Variants in MLIP observed in about 807,000 individuals in gnomAD.
The protein encoded by MLIP is muscular LMNA interacting protein, also known as muscular LMNA-interacting protein.
Under a neutral mutation model 84.8 loss-of-function variants are expected in MLIP, and 79 were observed. That is an observed-to-expected ratio of 0.93 (90% CI 0.78 to 1.12). The LOEUF is 1.12. Among genes scored for constraint, MLIP ranks in the 50% most tolerant of loss-of-function variants. The pLI, the probability that MLIP is intolerant of heterozygous loss-of-function variation, is 0.00. For synonymous variants in MLIP, 504 were observed against 463.0 expected (o/e 1.09, Z -1.14); for missense variants, 1,257 against 1,160.6 (o/e 1.08, Z -1.21).
At chr6:54,117,109 G>A (rs1221933829) in intron 1 of MLIP, among the ~76,000 whole-genome samples, 1 of 151,814 alleles carries the variant, frequency 6.6e-6, no homozygotes, top group African/African-American at 2.4e-5. Context: ...CATGATAAAG[G>A]CCCTATATGG....
At chr6:54,110,875 C>T (rs994827798), upstream of MLIP, among the ~76,000 whole-genome samples, 4 of 152,160 alleles carry the variant, frequency 2.6e-5, no homozygotes, top group African/African-American at 9.6e-5. Flanking sequence ...GATTTGATTC[C>T]AAGCTTTATT....
At chr6:54,062,677 G>A (rs1766034572) in intron 1 of MLIP, among the ~76,000 whole-genome samples, 1 of 152,080 alleles carries the variant, frequency 6.6e-6, no homozygotes, top group East Asian at 1.9e-4. Flanking sequence ...ACAGAATTCT[G>A]CTCTAAGCCT....
exon 1 of MLIP, chr6:54,019,066 A>G (rs533106815): frequency 5.0e-6 from 8 of 1,611,252 alleles, no homozygotes; most frequent in South Asian, 2.2e-5. Flanking sequence ...AGCTTATTAA[A>G]CAAGAATTTA....
chr6:54,265,455 C>T (rs145533760), intron 13 of MLIP, among the ~76,000 whole-genome samples: 7 of 152,170 alleles, frequency 4.6e-5, no homozygotes, highest in South Asian at 2.1e-4. Context: ...TGAAGAAAAG[C>T]GAGAGGTTAT....
intron 9 of MLIP, among the ~76,000 whole-genome samples, chr6:54,185,274 C>T (rs780428727): frequency 1.3e-5 from 2 of 152,104 alleles, no homozygotes; most frequent in African/African-American, 2.4e-5. Context: ...ACTATTCTTC[C>T]TCTTTGCTAA....
At chr6:54,164,632 A>T (rs2150574882) in intron 8 of MLIP, among the ~76,000 whole-genome samples, 1 of 152,004 alleles carries the variant, frequency 6.6e-6, no homozygotes, top group East Asian at 1.9e-4. Context: ...CTTTCCTCCA[A>T]TCCAAGTCCT....
intron 12 of MLIP, among the ~76,000 whole-genome samples, chr6:54,234,076 C>A (rs1781197499): frequency 6.6e-6 from 1 of 151,806 alleles, no homozygotes; most frequent in South Asian, 2.1e-4. Flanking sequence ...TATTTAAGTT[C>A]CTTGTAGATT....
At chr6:54,174,550 T>C (rs907519096) in intron 9 of MLIP, among the ~76,000 whole-genome samples, 2 of 152,080 alleles carry the variant, frequency 1.3e-5, no homozygotes, top group African/African-American at 4.8e-5. Flanking sequence ...ATGTTTCCTT[T>C]TGAGAAATAT....
intron 10 of MLIP, among the ~76,000 whole-genome samples, chr6:54,191,099 A>G (rs994730534): frequency 5.3e-5 from 8 of 151,926 alleles, no homozygotes; most frequent in African/African-American, 1.7e-4. Flanking sequence ...CCGGCCAAAG[A>G]TTTTCTTAAT....
Position 54,218,077 on chromosome 6 carries a change from T to C in MLIP, c.2719-12637T>C, listed in dbSNP as rs142565852. ...CAGTGTTTTTATAAATAAAGTATTA[T>C]TGGAACATGGCCTTGCCTATTTCAG... is the stretch of plus-strand genomic sequence containing the variant. On this transcript the variant is annotated intron_variant, in intron 11 of 13. Transcript: ENST00000502396. The C allele has an allele frequency of 5.7e-4, 446 of 786,066 alleles. No individual in the cohort carries two copies. The African/African-American group carries it at 6.7e-3, about 12-fold the overall frequency. The allele number at this position is 786,066 out of a possible 1,614,324, so 48.7% of individuals were successfully genotyped here. A position where few individuals can be genotyped will look rare whatever the true frequency, so the allele number is the denominator to read the frequency against.
At chr6:54,178,002 C>T (rs904337747) in intron 9 of MLIP, among the ~76,000 whole-genome samples, 1 of 151,964 alleles carries the variant, frequency 6.6e-6, no homozygotes, top group African/African-American at 2.4e-5. Context: ...AATAAGAACA[C>T]ATAGACACGG....
Position 54,137,073 on chromosome 6 carries a change from A to G in MLIP, c.1004A>G (p.His335Arg). 1 of 1,536,010 alleles carries G rather than the reference A, an allele frequency of 6.5e-7. No homozygotes were observed. Among genetic ancestry groups the G allele is most frequent in the Admixed American group, 2.0e-5 (1 of 50,978 alleles). ...CTCAAGAAGACAACTTTAACCTCGC[A>G]TGTCCTTAGTCACGGAGAAAGTCCG... Reference protein sequence around the residue: ...EVLKKTTLTSHVLSHGESPRT... With the variant: ...EVLKKTTLTSRVLSHGESPRT... The change falls in exon 4 of 14, where the codon CAT becomes CGT. Residue 335 changes from histidine to arginine, a missense_variant. By Grantham distance (29) the His-to-Arg change is conservative (BLOSUM62 0). Transcript: ENST00000502396.
At chr6:54,026,300 T>TA (rs1296330660) in intron 1 of MLIP, among the ~76,000 whole-genome samples, 3 of 152,190 alleles carry the variant, frequency 2.0e-5, no homozygotes, top group Admixed American at 6.5e-5. Flanking sequence ...TATGAGTAAT[T>TA]AAAAAATTCT....
At chr6:54,231,791 A>G (rs988197363) in intron 12 of MLIP, among the ~76,000 whole-genome samples, 1 of 152,188 alleles carries the variant, frequency 6.6e-6, no homozygotes, top group Non-Finnish European at 1.5e-5. Context: ...TTAGAAATCA[A>G]TCAAGATCAT....
At chr6:54,163,135 A>T (rs934160750) in intron 8 of MLIP, among the ~76,000 whole-genome samples, 1 of 151,974 alleles carries the variant, frequency 6.6e-6, no homozygotes, top group Non-Finnish European at 1.5e-5. Context: ...TAGAAGCTTT[A>T]TCAGCATATA....
chr6:54,240,271 T>A (rs1286008710), intron 12 of MLIP, among the ~76,000 whole-genome samples: 2 of 152,232 alleles, frequency 1.3e-5, no homozygotes, highest in African/African-American at 2.4e-5. Context: ...AATAGAATTT[T>A]GGTGCTGGAG....
intron 4 of MLIP, among the ~76,000 whole-genome samples, chr6:54,148,504 T>C (rs199687402): frequency 6.6e-6 from 1 of 152,282 alleles, no homozygotes; most frequent in East Asian, 1.9e-4. Context: ...CTTTATGGAG[T>C]TACATTGCTG....
chr6:54,171,847 T>C (rs569601870), intron 9 of MLIP, among the ~76,000 whole-genome samples: 6 of 151,724 alleles, frequency 4.0e-5, no homozygotes, highest in Admixed American at 3.3e-4. Context: ...TCTTCTCCCA[T>C]GAAAACTAAA....
rs1313193595 is a variant in MLIP, at chr6:54,230,833, A to G, written c.2838A>G (p.Pro946=). The change falls in exon 12 of 14, where the codon CCA becomes CCG. Residue 946 remains proline (P), a synonymous_variant. Transcript: ENST00000502396. ...QTLSHADCLA[P]GPFSHLSFSL... ...TCTCACATGCTGACTGTCTTGCCCC[A>G]GGACCCTTCAGTCATCTGTCCTTCT... is the stretch of plus-strand genomic sequence containing the variant. 3 of 1,614,020 alleles carry G rather than the reference A, an allele frequency of 1.9e-6. No homozygotes were observed. The highest frequency in any genetic ancestry group is 8.5e-7 in the Non-Finnish European group (1 of 1,179,972).
Sources: gnomAD v4.1 joint callset for allele counts (sites outside exome capture counted in the v4.1 genomes callset) on GRCh38, gnomAD v4.1.1 for gene constraint, MANE v1.5 for transcripts, NCBI Gene and HGNC (gene_info 2026-07-23, HGNC 2026-07-21) for gene names.